Variants in TNIP1 observed in about 807,000 individuals in gnomAD.
The protein encoded by TNIP1 is TNFAIP3-interacting protein 1.
TNIP1 carries 22 observed loss-of-function variants against 86.6 expected under a neutral mutation model. That is an observed-to-expected ratio of 0.25 (90% CI 0.18 to 0.36). The LOEUF (loss-of-function observed/expected upper bound fraction) is 0.36, where lower values mean the gene tolerates loss of function less well. Among genes scored for constraint, TNIP1 ranks in the 10% least tolerant of loss-of-function variants. The pLI is 1.00. For synonymous variants in TNIP1, 294 were observed against 313.0 expected, an observed-to-expected ratio of 0.94 and a Z score of 0.64; for missense variants, 709 against 820.6, an observed-to-expected ratio of 0.86 and a Z score of 1.66.
chr5:151,041,982 C>T (rs1581759435), intron 11 of TNIP1, among the ~76,000 whole-genome samples: 3 of 151,654 alleles, frequency 2.0e-5, no homozygotes, highest in African/African-American at 7.3e-5. Context: ...CTCTTGTTCC[C>T]CAGGCTGGAG....
Position 151,056,844 on chromosome 5 carries a change from G to A in TNIP1, c.549C>T (p.His183=). 6.2e-7 allele frequency: 1 copy of A among 1,604,128 alleles called. No individual in the cohort carries two copies. Among genetic ancestry groups the A allele is most frequent in the Non-Finnish European group, 8.5e-7 (1 of 1,175,620 alleles). The part of the protein sequence containing the change: ...EEPDHGQLFT[H]LGRMALEFNR... ...TGAACTCCAGGGCCATGCGGCCCAGGTGGGTGAAGAGCTGGCCGTGGTCCG... is the reference window on the plus strand; with the variant it reads ...TGAACTCCAGGGCCATGCGGCCCAGATGGGTGAAGAGCTGGCCGTGGTCCG... The change falls in exon 6 of 18, where the codon CAC becomes CAT. Residue 183 remains histidine (H), a synonymous_variant. Coordinates refer to ENST00000521591, the MANE Select transcript of TNIP1 (RefSeq NM_006058.5).
chr5:151,055,295 G>A (rs1760510962), intron 6 of TNIP1, among the ~76,000 whole-genome samples: 1 of 152,138 alleles, frequency 6.6e-6, no homozygotes, highest in Admixed American at 6.5e-5. Flanking sequence ...GAGCTAAGAA[G>A]GAAATAAACA....
intron 1 of TNIP1, among the ~76,000 whole-genome samples, chr5:151,073,675 C>T (rs1763071980): frequency 6.6e-6 from 1 of 151,570 alleles, no homozygotes; most frequent in Admixed American, 6.6e-5. Context: ...GGGAGGATTG[C>T]TTGAGGCCAG....
chr5:151,043,106 C>T (rs1034992533), intron 9 of TNIP1, 145 bp from the exon 10 acceptor site: 7 of 824,190 alleles, frequency 8.5e-6, no homozygotes, highest in African/African-American at 3.4e-5. Context: ...CCTCAGCTCT[C>T]GAAAACTCAA....
chr5:151,033,441 C>T lies in TNIP1; in HGVS notation c.1779+167G>A, dbSNP rs74805006. On this transcript the variant is annotated intron_variant, in intron 16 of 17. Transcript: ENST00000521591. ...TGCGGGACTGTGGCCAGATCCCTGC[C>T]CCTGGGTAGCAGCCCAGAGCCAGGC... 2.0e-3 allele frequency: 956 copies of T among 468,752 alleles called. 10 individuals are homozygous for T. Among genetic ancestry groups the T allele is most frequent in the African/African-American group, 0.017 (824 of 49,916 alleles). The allele number at this position is 468,752 out of a possible 1,614,324, so 29.0% of individuals were successfully genotyped here. A position where few individuals can be genotyped will look rare whatever the true frequency, so the allele number is the denominator to read the frequency against.
Position 151,034,225 on chromosome 5 carries a change from C to T in TNIP1, c.1588-426G>A, listed in dbSNP as rs192080159. Among the ~76,000 whole-genome samples, 212 of 140,422 alleles carry T rather than the reference C, an allele frequency of 1.5e-3. 5 individuals carry two copies. The East Asian group carries it at 0.022, about 14-fold the overall frequency. 92.1% of individuals were successfully genotyped at this position (140,422 alleles called of 152,430 possible). A position where few individuals can be genotyped will look rare whatever the true frequency, so the allele number is the denominator to read the frequency against. ...GGCATGGAAGGCTGGTACATGGACA[C>T]GGAAGGCTGGTACATGGGCACGGAA... On this transcript the variant is annotated intron_variant, in intron 15 of 17. Transcript: ENST00000521591.
intron 7 of TNIP1, 51 bp from the exon 8 acceptor site, chr5:151,049,998 A>G: frequency 6.2e-7 from 1 of 1,611,000 alleles, no homozygotes. Flanking sequence ...GAGTTAAGAA[A>G]CCTACAGGGC....
intron 8 of TNIP1, among the ~76,000 whole-genome samples, chr5:151,047,183 C>A (rs779730815): frequency 9.2e-5 from 14 of 152,186 alleles, no homozygotes; most frequent in Non-Finnish European, 2.1e-4. Context: ...ACATCATGTA[C>A]CCCTGGTCTG....
intron 1 of TNIP1, among the ~76,000 whole-genome samples, chr5:151,065,369 G>C (rs751576362): frequency 8.5e-5 from 13 of 152,100 alleles, no homozygotes; most frequent in Admixed American, 5.2e-4. Context: ...GGCTTGTTTG[G>C]AACAGGAGTC....
At chr5:151,038,813 T>C (rs1758031464) in intron 12 of TNIP1, among the ~76,000 whole-genome samples, 1 of 152,004 alleles carries the variant, frequency 6.6e-6, no homozygotes, top group African/African-American at 2.4e-5. Context: ...TGGGAAGGCT[T>C]TGCTGAGCAA....
chr5:151,056,719 G>C lies in TNIP1; in HGVS notation c.627+47C>G, dbSNP rs375413577. The C allele has an allele frequency of 5.0e-5, 71 of 1,431,078 alleles. No homozygotes were observed. In the African/African-American group the frequency reaches 9.5e-4, roughly 19 times the overall value. 88.6% of individuals were successfully genotyped at this position (1,431,078 alleles called of 1,614,324 possible). A position where few individuals can be genotyped will look rare whatever the true frequency, so the allele number is the denominator to read the frequency against. Reference sequence around the variant, plus strand: ...AGCAGGAAGGTGGGAAGAGCTCGGGGGGAAGCACGCCTGCCTGTCTCGGGC... The same window carrying C: ...AGCAGGAAGGTGGGAAGAGCTCGGGCGGAAGCACGCCTGCCTGTCTCGGGC... On this transcript the variant is annotated intron_variant, in intron 6 of 17. Transcript: ENST00000521591.
At chr5:151,035,201 C>A in intron 14 of TNIP1, 134 bp from the exon 15 acceptor site, 1 of 1,028,950 alleles carries the variant, frequency 9.7e-7, no homozygotes, top group South Asian at 1.5e-5. Context: ...GGGCCAGCCC[C>A]GGGAAAGGGC....
intron 13 of TNIP1, among the ~76,000 whole-genome samples, chr5:151,036,458 G>GT (rs1244720719): frequency 6.6e-6 from 1 of 152,150 alleles, no homozygotes; most frequent in Non-Finnish European, 1.5e-5. Context: ...TTCTACTTGT[G>GT]ACAAATAATA....
chr5:151,063,638 G>C lies in TNIP1; in HGVS notation c.246C>G (p.Ser82=). The change falls in exon 3 of 18, where the codon TCC becomes TCG. Residue 82 remains serine, a synonymous_variant. Coordinates refer to ENST00000521591, the MANE Select transcript of TNIP1 (RefSeq NM_006058.5). ...LLPPPSPSLG[S]FDPLAELTGK... is the part of the protein sequence containing the mutation. ...CTGTGAGCTCAGCCAGGGGGTCGAA[G>C]GAGCCCAAGGAGGGAGAAGGTGGTG... The C allele has an allele frequency of 6.2e-7, 1 of 1,614,028 alleles. No homozygotes were observed. The highest frequency in any genetic ancestry group is 1.3e-5 in the African/African-American group (1 of 74,990).
intron 1 of TNIP1, 48 bp from the exon 2 acceptor site, chr5:151,065,179 G>T: frequency 2.0e-6 from 3 of 1,509,290 alleles, no homozygotes; most frequent in South Asian, 2.4e-5. Context: ...GGCCATGGGG[G>T]CATCCTTTGC....
At chr5:151,057,083 G>A (rs774654637) in intron 5 of TNIP1, 126 bp from the exon 6 acceptor site, 83 of 1,040,378 alleles carry the variant, frequency 8.0e-5, no homozygotes, top group South Asian at 1.7e-4. Context: ...GCTCAGCCCC[G>A]GGAAATTCTC....
chr5:151,077,442 G>A (rs888601663), intron 1 of TNIP1, among the ~76,000 whole-genome samples: 3 of 152,172 alleles, frequency 2.0e-5, no homozygotes, highest in African/African-American at 4.8e-5. Flanking sequence ...TAATAGCAGC[G>A]ACCCTGTACC....
chr5:151,035,919 G>C (rs1757639463), intron 13 of TNIP1, among the ~76,000 whole-genome samples: 1 of 152,166 alleles, frequency 6.6e-6, no homozygotes, highest in Non-Finnish European at 1.5e-5. Context: ...CTTCAAGCTA[G>C]GACTTTATTT....
At chr5:151,075,509 G>A (rs2113813750) in intron 1 of TNIP1, among the ~76,000 whole-genome samples, 1 of 152,262 alleles carries the variant, frequency 6.6e-6, no homozygotes, top group East Asian at 1.9e-4. Flanking sequence ...CACTCTAGCA[G>A]TCCCCAGTGT....
Sources: gnomAD v4.1 joint callset for allele counts (sites outside exome capture counted in the v4.1 genomes callset) on GRCh38, gnomAD v4.1.1 for gene constraint, MANE v1.5 for transcripts, NCBI Gene and HGNC (gene_info 2026-07-23, HGNC 2026-07-21) for gene names.